ZNF850: variants seen among roughly 807,000 people sequenced by gnomAD.
ZNF850 encodes the protein putative zinc finger protein ENSP00000330994.
ZNF850 carries 2 observed loss-of-function variants against 11.9 expected under a neutral mutation model. The ratio of observed to expected loss-of-function variants is 0.17; its 90% CI spans 0.07 to 0.53. ZNF850 has a LOEUF of 0.53. ZNF850 is among the 20% of genes least tolerant of loss of function. ZNF850 has a pLI of 0.94. For synonymous variants in ZNF850, 381 were observed against 443.0 expected, an observed-to-expected ratio of 0.86 and a Z score of 1.76; for missense variants, 1,014 against 1,316.4, an observed-to-expected ratio of 0.77 and a Z score of 3.55.
At position 36,746,964 on chromosome 19, in the gene ZNF850, A is replaced by T. The variant is rs2040414919; in HGVS notation, c.*803T>A. 6.6e-6 allele frequency: 1 copy of T among 152,030 alleles called. No homozygotes were observed. The highest frequency in any genetic ancestry group is 2.1e-4 in the South Asian group (1 of 4,802). The allele number at this position is 152,030 out of a possible 1,614,324, so 9.4% of individuals were successfully genotyped here. On this transcript the variant is annotated 3_prime_UTR_variant, in exon 5 of 5. Coordinates refer to ENST00000591344, the MANE Select transcript of ZNF850 (RefSeq NM_001193552.2). ...TCAAAAGTTTGAGACCACCCTGACCAACACAGTGAAACCCCGTCTCTACTA... is the reference window on the plus strand; with the variant it reads ...TCAAAAGTTTGAGACCACCCTGACCTACACAGTGAAACCCCGTCTCTACTA...
At chr19:36,762,260 G>A (rs2040523579) in intron 3 of ZNF850, 45 bp downstream of exon 3, 2 of 1,449,164 alleles carry the variant, frequency 1.4e-6, no homozygotes, top group Admixed American at 2.6e-5. Context: ...ACAATTGAAA[G>A]CTACACCCAA....
At chr19:36,758,491 C>T (rs1448815505) in intron 4 of ZNF850, among the ~76,000 whole-genome samples, 3 of 151,932 alleles carry the variant, frequency 2.0e-5, no homozygotes, top group African/African-American at 7.3e-5. Flanking sequence ...CAATCAATTC[C>T]GTGCCTCAGT....
At chr19:36,768,984 G>A (rs1167963958) in intron 1 of ZNF850, among the ~76,000 whole-genome samples, 1 of 151,194 alleles carries the variant, frequency 6.6e-6, no homozygotes, top group Non-Finnish European at 1.5e-5. Context: ...AAAAAGGCCG[G>A]GTGTGGTGGC....
intron 4 of ZNF850, among the ~76,000 whole-genome samples, chr19:36,760,040 C>T (rs969491534): frequency 2.0e-5 from 3 of 152,212 alleles, no homozygotes; most frequent in African/African-American, 7.2e-5. Context: ...CTCCTAAAAG[C>T]AGGCATATCC....
chr19:36,750,012 C>G lies in ZNF850; in HGVS notation c.1028G>C (p.Gly343Ala). The G allele has an allele frequency of 6.5e-7, 1 of 1,547,406 alleles. No homozygotes were observed. Among genetic ancestry groups the G allele is most frequent in the Non-Finnish European group, 8.7e-7 (1 of 1,149,454 alleles). Residue 343 changes from glycine (G) to alanine (A), a missense_variant, in exon 5 of 5, where the codon GGA (glycine) becomes GCA (alanine). Transcript: ENST00000591344. ...GEKPYDCKECGKSFASGSALI... is the reference protein window; with the variant it reads ...GEKPYDCKECAKSFASGSALI... The stretch of plus-strand genomic sequence containing the variant: ...TGCTGAGCCTGAAGCAAAAGATTTT[C>G]CACATTCCTTACAATCATACGGTTT...
At chr19:36,756,193 C>T (rs1000698348) in intron 4 of ZNF850, among the ~76,000 whole-genome samples, 2 of 152,142 alleles carry the variant, frequency 1.3e-5, no homozygotes, top group African/African-American at 4.8e-5. Context: ...CATGAGCCAC[C>T]GCACCTGGCC....
At chr19:36,770,323 C>CAA (rs2040573218) in intron 1 of ZNF850, among the ~76,000 whole-genome samples, 1 of 152,152 alleles carries the variant, frequency 6.6e-6, no homozygotes, top group African/African-American at 2.4e-5. Flanking sequence ...GGTAGGGGCT[C>CAA]AAAGTCTCAA....
In ZNF850 at chr19:36,748,951, C is replaced by T. The variant is rs1196796770; in HGVS notation, c.2089G>A (p.Gly697Ser). 6.3e-7 allele frequency: 1 copy of T among 1,588,884 alleles called. No homozygotes were observed. The highest frequency in any genetic ancestry group is 1.3e-5 in the African/African-American group (1 of 74,148). The change falls in exon 5 of 5, where the codon GGT (glycine) becomes AGT (serine). Residue 697 changes from glycine to serine, a missense_variant. Physicochemically the swap from Gly to Ser is moderately conservative, Grantham distance 56. Around this residue, in one of 2 missense-constraint regions of ZNF850, gnomAD observed 835 missense variants for 1,022.0 expected, o/e 0.82. Coordinates refer to ENST00000591344, the MANE Select transcript of ZNF850 (RefSeq NM_001193552.2). ...TCTTTACATTCATAAGGTTTCTCAC[C>T]AGTATGAATTCTCCGATGTTGATTA... is the stretch of plus-strand genomic sequence containing the variant. ...YLNQHRRIHT[G>S]EKPYECKECG...
At chr19:36,769,385 A>G (rs962595204) in intron 1 of ZNF850, among the ~76,000 whole-genome samples, 1 of 152,050 alleles carries the variant, frequency 6.6e-6, no homozygotes. Flanking sequence ...GGATCACTTG[A>G]ACTCAGGAGT....
chr19:36,753,801 G>T (rs2040469110), intron 4 of ZNF850, among the ~76,000 whole-genome samples: 1 of 152,100 alleles, frequency 6.6e-6, no homozygotes, highest in Non-Finnish European at 1.5e-5. Context: ...TAAGTAAATT[G>T]CCAAAAGTCA....
intron 4 of ZNF850, among the ~76,000 whole-genome samples, chr19:36,752,280 C>G (rs188354042): frequency 2.0e-5 from 3 of 152,216 alleles, no homozygotes; most frequent in Admixed American, 6.5e-5. Context: ...CTTGGAGCAT[C>G]TTGGGATTAG....
chr19:36,760,194 C>T (rs1176326265), intron 4 of ZNF850, among the ~76,000 whole-genome samples: 1 of 152,062 alleles, frequency 6.6e-6, no homozygotes, highest in Non-Finnish European at 1.5e-5. Flanking sequence ...GCCGGTAATC[C>T]TAGCACTTTG....
chr19:36,771,538 T>G (rs1415067968), intron 1 of ZNF850, among the ~76,000 whole-genome samples: 1 of 144,786 alleles, frequency 6.9e-6, no homozygotes, highest in Non-Finnish European at 1.5e-5. Flanking sequence ...AATCAGGAGC[T>G]GAAGTGAAAG....
chr19:36,769,279 AGAAAGAAAG>A (rs536285990), intron 1 of ZNF850, among the ~76,000 whole-genome samples: 24,392 of 80,046 alleles, frequency 0.3, 3,545 homozygotes, highest in South Asian at 0.43. Flanking sequence ...AAAAAAAAAA[AGAAAGAAAG>A]AAAGAAAGAA....
chr19:36,768,416 T>C (rs556041778), intron 1 of ZNF850, among the ~76,000 whole-genome samples: 1 of 152,338 alleles, frequency 6.6e-6, no homozygotes, highest in Non-Finnish European at 1.5e-5. Context: ...CAAGTATTTC[T>C]ATTTATTTTC....
intron 4 of ZNF850, among the ~76,000 whole-genome samples, chr19:36,759,155 A>G (rs2040504055): frequency 6.6e-6 from 1 of 152,100 alleles, no homozygotes; most frequent in Non-Finnish European, 1.5e-5. Context: ...TTAAATAAAG[A>G]TACATCAGAG....
At chr19:36,772,491 G>A (rs1179450050) in intron 1 of ZNF850, among the ~76,000 whole-genome samples, 1 of 152,006 alleles carries the variant, frequency 6.6e-6, no homozygotes, top group Non-Finnish European at 1.5e-5. Flanking sequence ...GGGACACGCA[G>A]TCCAACCACA....
intron 1 of ZNF850, among the ~76,000 whole-genome samples, chr19:36,772,309 C>G (rs941662232): frequency 1.3e-5 from 2 of 152,154 alleles, no homozygotes; most frequent in African/African-American, 4.8e-5. Flanking sequence ...CACACAAAGT[C>G]CCAATCGCAC....
intron 1 of ZNF850, among the ~76,000 whole-genome samples, chr19:36,763,385 A>G (rs2040530843): frequency 6.6e-6 from 1 of 151,980 alleles, no homozygotes; most frequent in Non-Finnish European, 1.5e-5. Context: ...TCTCTACTAA[A>G]AATACAAAAT....
Sources: gnomAD v4.1 joint callset for allele counts (sites outside exome capture counted in the v4.1 genomes callset) on GRCh38, gnomAD v4.1.1 for gene constraint, gnomAD v4.1.1 regional missense constraint, MANE v1.5 for transcripts, NCBI Gene and HGNC (gene_info 2026-07-23, HGNC 2026-07-21) for gene names.